The following GDAP1 variants were observed in gnomAD, a reference collection of about 807,000 sequenced individuals.
GDAP1 encodes ganglioside-induced differentiation-associated protein 1.
A neutral mutation model predicts 40.1 loss-of-function variants in GDAP1; 34 were observed. The ratio of observed to expected loss-of-function variants is 0.85; its 90% CI spans 0.64 to 1.13. The LOEUF (loss-of-function observed/expected upper bound fraction) is 1.13. Among genes scored for constraint, GDAP1 ranks in the 50% most tolerant of loss-of-function variants. The pLI is 0.00. For missense variants in GDAP1, 374 were observed against 433.7 expected, an observed-to-expected ratio of 0.86 and a Z score of 1.22; for synonymous variants, 170 against 157.4, an observed-to-expected ratio of 1.08 and a Z score of -0.60.
downstream of GDAP1, among the ~76,000 whole-genome samples, chr8:74,369,216 G>A (rs1293356331): frequency 6.6e-6 from 1 of 152,070 alleles, no homozygotes; most frequent in African/African-American, 2.4e-5. Context: ...TCTCCATAAG[G>A]TATCACTAAC....
At chr8:74,429,697 C>G (rs1806002113) in intron 2 of GDAP1, among the ~76,000 whole-genome samples, 1 of 152,162 alleles carries the variant, frequency 6.6e-6, no homozygotes, top group African/African-American at 2.4e-5. Flanking sequence ...CTTAATTACC[C>G]TTTAACGGCC....
At chr8:74,359,496 C>T (rs751340988) in intron 2 of GDAP1, among the ~76,000 whole-genome samples, 6 of 152,142 alleles carry the variant, frequency 3.9e-5, no homozygotes, top group Non-Finnish European at 7.3e-5. Flanking sequence ...AGTGCACCTG[C>T]GATATTTGAG....
At chr8:74,443,878 CTCTGCACAGTT>C (rs1806193822) in intron 2 of GDAP1, among the ~76,000 whole-genome samples, 1 of 152,048 alleles carries the variant, frequency 6.6e-6, no homozygotes, top group Admixed American at 6.6e-5. Flanking sequence ...AATTTCAGCC[CTCTGCACAGTT>C]TCTCTCCAGC....
chr8:74,374,821 T>A (rs1456641313), intron 2 of GDAP1, among the ~76,000 whole-genome samples: 1 of 152,194 alleles, frequency 6.6e-6, no homozygotes, highest in African/African-American at 2.4e-5. Context: ...AATAGCCATA[T>A]ATCCACTAAA....
chr8:74,356,716 A>ATATATATATATATTTTTTTTTT (rs375377157), intron 2 of GDAP1, among the ~76,000 whole-genome samples: 1 of 104,362 alleles, frequency 9.6e-6, no homozygotes, highest in African/African-American at 4.1e-5. Flanking sequence ...ATATATATAT[A>ATATATATATATATTTTTTTTTT]TTTTTTTTTT....
At chr8:74,468,510 CACACACACACACACAT>C (rs1475004209) in intron 2 of GDAP1, among the ~76,000 whole-genome samples, 1 of 150,622 alleles carries the variant, frequency 6.6e-6, no homozygotes, top group African/African-American at 2.5e-5. Flanking sequence ...CACACACACA[CACACACACACACACAT>C]GAATGTGTAT....
intron 2 of GDAP1, among the ~76,000 whole-genome samples, chr8:74,399,283 C>T (rs1225993631): frequency 2.7e-5 from 4 of 149,706 alleles, no homozygotes; most frequent in Non-Finnish European, 4.4e-5. Context: ...CTTGGGAGGG[C>T]GTATGTGTCA....
At chr8:74,395,101 A>G (rs1278335595) in intron 2 of GDAP1, among the ~76,000 whole-genome samples, 1 of 152,162 alleles carries the variant, frequency 6.6e-6, no homozygotes, top group Admixed American at 6.5e-5. Flanking sequence ...TCAGTTTCTG[A>G]TGCCCAAACA....
intron 2 of GDAP1, among the ~76,000 whole-genome samples, chr8:74,461,455 T>C (rs1806399538): frequency 6.6e-6 from 1 of 152,228 alleles, no homozygotes; most frequent in African/African-American, 2.4e-5. Context: ...GAGCTAGGTC[T>C]TTTAAGAGAT....
chr8:74,368,980 A>G (rs1204976616), downstream of GDAP1, among the ~76,000 whole-genome samples: 1 of 152,172 alleles, frequency 6.6e-6, no homozygotes, highest in East Asian at 1.9e-4. Flanking sequence ...ACCCATCCTA[A>G]AAAAGCCTGA....
intron 2 of GDAP1, among the ~76,000 whole-genome samples, chr8:74,431,478 T>TTTAA (rs1456547307): frequency 2.6e-5 from 4 of 151,520 alleles, no homozygotes; most frequent in African/African-American, 9.7e-5. Flanking sequence ...TTCTTATTTA[T>TTTAA]TTATTTATTT....
chr8:74,471,687 TC>T (rs1586845473), intron 2 of GDAP1, among the ~76,000 whole-genome samples: 1 of 152,274 alleles, frequency 6.6e-6, no homozygotes, highest in East Asian at 1.9e-4. Context: ...TCCATCCCCA[TC>T]CCCAGATAAC....
At chr8:74,380,364 C>G (rs1328455870) in intron 2 of GDAP1, among the ~76,000 whole-genome samples, 1 of 152,112 alleles carries the variant, frequency 6.6e-6, no homozygotes, top group Non-Finnish European at 1.5e-5. Flanking sequence ...TGTCCCCAAA[C>G]CGGCTTTTCT....
At chr8:74,437,859 T>C (rs904593768) in intron 2 of GDAP1, among the ~76,000 whole-genome samples, 1 of 152,228 alleles carries the variant, frequency 6.6e-6, no homozygotes, top group Non-Finnish European at 1.5e-5. Flanking sequence ...AATCCCCTGC[T>C]AATGGACATA....
intron 2 of GDAP1, among the ~76,000 whole-genome samples, chr8:74,436,702 G>A (rs1481401229): frequency 1.5e-5 from 2 of 135,636 alleles, no homozygotes; most frequent in African/African-American, 5.9e-5. Context: ...GATTATAGGC[G>A]TGAGCCACTG....
chr8:74,441,958 A>G (rs1806167473), intron 2 of GDAP1, among the ~76,000 whole-genome samples: 1 of 152,224 alleles, frequency 6.6e-6, no homozygotes, highest in Admixed American at 6.5e-5. Context: ...AGACTGAAAT[A>G]TGAAGTGGTA....
At chr8:74,447,658 G>T (rs1291589991) in intron 2 of GDAP1, among the ~76,000 whole-genome samples, 2 of 152,112 alleles carry the variant, frequency 1.3e-5, no homozygotes, top group Non-Finnish European at 2.9e-5. Flanking sequence ...CCCACAAAGG[G>T]TAATAAAATG....
At chr8:74,424,373 T>A (rs1805922119) in intron 2 of GDAP1, among the ~76,000 whole-genome samples, 1 of 152,106 alleles carries the variant, frequency 6.6e-6, no homozygotes, top group South Asian at 2.1e-4. Context: ...TGGACACAAA[T>A]CACTTTCCTG....
intron 2 of GDAP1, among the ~76,000 whole-genome samples, chr8:74,353,245 T>C (rs1057017766): frequency 1.3e-5 from 2 of 152,186 alleles, no homozygotes; most frequent in Admixed American, 1.3e-4. Flanking sequence ...GATGGAAATA[T>C]GGAAAGTGCA....
Sources: gnomAD v4.1 joint callset for allele counts (sites outside exome capture counted in the v4.1 genomes callset) on GRCh38, gnomAD v4.1.1 for gene constraint, MANE v1.5 for transcripts, NCBI Gene and HGNC (gene_info 2026-07-23, HGNC 2026-07-21) for gene names.